The following RBFOX1 variants were observed in gnomAD, a reference collection of about 807,000 sequenced individuals.
RBFOX1 encodes the protein RNA binding fox-1 homolog 1.
In RBFOX1, 8 loss-of-function variants were observed where a neutral mutation model predicts 57.7. That is an observed-to-expected ratio of 0.14 (90% CI 0.08 to 0.25). RBFOX1 has a LOEUF of 0.25. RBFOX1 is among the 10% of genes least tolerant of loss of function. RBFOX1 has a pLI of 1.00. For synonymous variants in RBFOX1, 326 were observed against 222.4 expected (o/e 1.47, Z -4.15); for missense variants, 611 against 548.5 (o/e 1.11, Z -1.14).
At chr16:6,454,945 A>C (rs2094729613) in intron 2 of RBFOX1, among the ~76,000 whole-genome samples, 1 of 143,290 alleles carries the variant, frequency 7.0e-6, no homozygotes, top group Non-Finnish European at 1.5e-5. Context: ...GTACAGCGGC[A>C]CATCTCGGCT....
intron 2 of RBFOX1, among the ~76,000 whole-genome samples, chr16:6,637,514 T>A (rs1322178440): frequency 8.0e-6 from 1 of 124,256 alleles, no homozygotes; most frequent in African/African-American, 3.1e-5. Context: ...TTCTATATAG[T>A]ATATATAATA....
chr16:5,966,779 T>G (rs1367047546), intron 4 of RBFOX1, among the ~76,000 whole-genome samples: 1 of 152,038 alleles, frequency 6.6e-6, no homozygotes, highest in East Asian at 1.9e-4. Context: ...GCCCCCACCC[T>G]TGGCGAATTG....
At chr16:6,278,204 C>T (rs192236286) in intron 1 of RBFOX1, among the ~76,000 whole-genome samples, 4 of 152,078 alleles carry the variant, frequency 2.6e-5, no homozygotes, top group Admixed American at 2.0e-4. Flanking sequence ...TTGCCCCTTT[C>T]GGCTCAGTCC....
chr16:5,413,013 C>G (rs758329783), intron 1 of RBFOX1, among the ~76,000 whole-genome samples: 3 of 152,190 alleles, frequency 2.0e-5, no homozygotes, highest in Non-Finnish European at 4.4e-5. Context: ...GGTGACAGCT[C>G]TGGATGAAGC....
intron 4 of RBFOX1, among the ~76,000 whole-genome samples, chr16:7,092,803 A>G (rs1013775420): frequency 6.6e-6 from 1 of 152,122 alleles, no homozygotes; most frequent in Non-Finnish European, 1.5e-5. Flanking sequence ...CAAGTTTGGT[A>G]ATTATTTTTT....
At chr16:6,528,444 T>C (rs1476405564) in intron 2 of RBFOX1, among the ~76,000 whole-genome samples, 1 of 152,174 alleles carries the variant, frequency 6.6e-6, no homozygotes, top group African/African-American at 2.4e-5. Context: ...ACCTTGACTT[T>C]CTCCTGTTTG....
intron 4 of RBFOX1, among the ~76,000 whole-genome samples, chr16:5,920,186 G>C (rs1322423228): frequency 7.2e-5 from 11 of 152,122 alleles, no homozygotes; most frequent in East Asian, 1.9e-4. Context: ...CACCTGCCTT[G>C]GCCTCCCAAA....
chr16:5,318,269 C>T (rs2064298064), intron 1 of RBFOX1, among the ~76,000 whole-genome samples: 2 of 152,140 alleles, frequency 1.3e-5, no homozygotes, highest in Admixed American at 6.5e-5. Context: ...GGTGGGATTA[C>T]AGGCATTCAC....
At chr16:6,252,721 A>C (rs996443235) in intron 1 of RBFOX1, among the ~76,000 whole-genome samples, 4 of 152,344 alleles carry the variant, frequency 2.6e-5, no homozygotes, top group Non-Finnish European at 5.9e-5. Context: ...CAGATATTCA[A>C]ACAAGATAAG....
intron 4 of RBFOX1, among the ~76,000 whole-genome samples, chr16:7,211,296 G>T (rs997734639): frequency 2.7e-5 from 4 of 150,360 alleles, no homozygotes; most frequent in Non-Finnish European, 5.9e-5. Flanking sequence ...GGAGGCTGAG[G>T]CAGGAGAATG....
chr16:6,228,053 A>G (rs7350863), intron 1 of RBFOX1, among the ~76,000 whole-genome samples: 108,817 of 152,120 alleles, frequency 0.72, 39,236 homozygotes, highest in South Asian at 0.83. Flanking sequence ...GCTCACACCT[A>G]TAATCCCAGC....
intron 3 of RBFOX1, among the ~76,000 whole-genome samples, chr16:7,043,166 C>G (rs146288607): frequency 6.6e-6 from 1 of 152,128 alleles, no homozygotes; most frequent in Non-Finnish European, 1.5e-5. Context: ...GATCAAGGGT[C>G]TCAGCTCCAG....
chr16:5,922,585 G>A (rs1567151489), intron 4 of RBFOX1, among the ~76,000 whole-genome samples: 1 of 152,116 alleles, frequency 6.6e-6, no homozygotes, highest in African/African-American at 2.4e-5. Context: ...TGTCCCCGTG[G>A]TGCACAGTCA....
At position 5,544,951 on chromosome 16, in the gene RBFOX1, CTTTTTTTTTTTTTTTTTTT is replaced by C. The variant is rs59873374; in HGVS notation, c.259-53926_259-53908del. Reference sequence around the variant, plus strand: ...GTATAGATGGCCTTACTATTACATTCTTTTTTTTTTTTTTTTTTTTTTTTTTTTTTTTTTTTTTTTTTTG... The same window carrying C: ...GTATAGATGGCCTTACTATTACATTCTTTTTTTTTTTTTTTTTTTTTTTTG... On this transcript the variant is annotated intron_variant, in intron 2 of 2. Transcript: ENST00000585867. 9.5e-3 allele frequency among the ~76,000 whole-genome samples: 1,178 copies of C among 124,028 alleles called. 6 individuals are homozygous for C. Among genetic ancestry groups the C allele is most frequent in the African/African-American group, 0.023 (677 of 28,846 alleles). 81.4% of individuals were successfully genotyped at this position (124,028 alleles called of 152,430 possible). A position where few individuals can be genotyped will look rare whatever the true frequency, so the allele number is the denominator to read the frequency against.
At chr16:6,455,861 A>T (rs1180709009) in intron 2 of RBFOX1, among the ~76,000 whole-genome samples, 4 of 152,216 alleles carry the variant, frequency 2.6e-5, no homozygotes, top group African/African-American at 9.6e-5. Context: ...TTATTAAAAG[A>T]AATTACGTGG....
At chr16:5,952,710 T>G (rs969764280) in intron 4 of RBFOX1, among the ~76,000 whole-genome samples, 9 of 152,172 alleles carry the variant, frequency 5.9e-5, no homozygotes, top group Non-Finnish European at 1.3e-4. Flanking sequence ...GACACAGAAT[T>G]CTTCCACGGA....
rs554994487 is a variant in RBFOX1, at chr16:5,850,750, CA to C, written c.319-16551del. 7.5e-4 allele frequency among the ~76,000 whole-genome samples: 114 copies of C among 152,328 alleles called. 1 individual carries two copies. The highest frequency in any genetic ancestry group is 2.6e-3 in the African/African-American group (108 of 41,568). On this transcript the variant is annotated intron_variant, in intron 3 of 19. Coordinates refer to the RBFOX1 transcript ENST00000641259. ...TCAGTGACAGAGGTGAAAGAACCCA[CA>C]AGGGCGACTCCAGAGCCTGATGTCT...
intron 3 of RBFOX1, among the ~76,000 whole-genome samples, chr16:5,844,773 A>T (rs1490597858): frequency 1.3e-5 from 2 of 152,220 alleles, no homozygotes; most frequent in Non-Finnish European, 2.9e-5. Context: ...GCACATTGCG[A>T]CTTTGATTTT....
intron 4 of RBFOX1, among the ~76,000 whole-genome samples, chr16:7,103,261 C>G (rs1224827511): frequency 2.0e-5 from 3 of 152,076 alleles, no homozygotes; most frequent in Non-Finnish European, 2.9e-5. Context: ...ATTTCCAGAA[C>G]TTTAACTGTT....
Sources: allele counts gnomAD v4.1 joint callset (sites outside exome capture counted in the v4.1 genomes callset), GRCh38; gene constraint gnomAD v4.1.1; transcripts MANE v1.5; gene names NCBI Gene and HGNC (gene_info 2026-07-23, HGNC 2026-07-21).